ZNF2: variants seen among roughly 807,000 people sequenced by gnomAD.
The protein encoded by ZNF2 is zinc finger protein 2.2.
ZNF2 carries 12 observed loss-of-function variants against 21.9 expected under a neutral mutation model. The observed-to-expected ratio is 0.55, with a 90% CI of 0.35 to 0.89. ZNF2 has a LOEUF of 0.89. Ranked by LOEUF, ZNF2 falls within the 40% of genes least tolerant of loss-of-function variation. The pLI is 0.01. For missense variants in ZNF2, 462 were observed against 544.2 expected (o/e 0.85, Z 1.50); for synonymous variants, 186 against 196.3 (o/e 0.95, Z 0.44).
chr2:95,166,441 A>G (rs1204028259), intron 1 of ZNF2, among the ~76,000 whole-genome samples: 2 of 152,114 alleles, frequency 1.3e-5, no homozygotes, highest in Non-Finnish European at 2.9e-5. Flanking sequence ...GCTGGGAGCC[A>G]GGGCCCGGGA....
chr2:95,171,314 G>T (rs192925906), intron 1 of ZNF2, among the ~76,000 whole-genome samples: 1 of 151,430 alleles, frequency 6.6e-6, no homozygotes, highest in African/African-American at 2.4e-5. Context: ...TAACCCGGGC[G>T]TCATCTTTGC....
At chr2:95,173,066 C>T (rs1161281202) in intron 1 of ZNF2, among the ~76,000 whole-genome samples, 4 of 151,332 alleles carry the variant, frequency 2.6e-5, no homozygotes, top group Admixed American at 1.3e-4. Flanking sequence ...GATATGTACA[C>T]ATTTGCTGCT....
chr2:95,178,951 T>C (rs937458141), intron 3 of ZNF2, among the ~76,000 whole-genome samples: 15 of 151,880 alleles, frequency 9.9e-5, no homozygotes, highest in Non-Finnish European at 1.8e-4. Flanking sequence ...AAATCAGCTT[T>C]ACAAATCAGC....
At chr2:95,172,061 G>A (rs1173113098) in intron 1 of ZNF2, among the ~76,000 whole-genome samples, 1 of 152,118 alleles carries the variant, frequency 6.6e-6, no homozygotes, top group Non-Finnish European at 1.5e-5. Flanking sequence ...GTGTCACATG[G>A]AGCACACTCC....
At position 95,183,685 on chromosome 2, in the gene ZNF2, A is replaced by C. The variant is rs753404184; in HGVS notation, c.*1579A>C. ...ACCCAGGTTGGAATGCAATGGCACA[A>C]TCTCCGCTCACTGCAAGCTCCGCCT... is the stretch of plus-strand genomic sequence containing the variant. On this transcript the variant is annotated 3_prime_UTR_variant, in exon 5 of 5. Coordinates refer to ENST00000614034, the MANE Select transcript of ZNF2 (RefSeq NM_021088.4). The C allele has an allele frequency of 1.4e-5, 2 of 145,344 alleles. No homozygotes were observed. The highest frequency in any genetic ancestry group is 3.0e-5 in the Non-Finnish European group (2 of 67,426). 9.0% of individuals were successfully genotyped at this position (145,344 alleles called of 1,614,324 possible).
At chr2:95,172,609 A>G (rs982371761) in intron 1 of ZNF2, among the ~76,000 whole-genome samples, 7 of 150,120 alleles carry the variant, frequency 4.7e-5, no homozygotes, top group Admixed American at 1.3e-4. Flanking sequence ...AAAAGTGTGC[A>G]TTCTTCAAGT....
intron 1 of ZNF2, among the ~76,000 whole-genome samples, chr2:95,170,612 T>C (rs996366968): frequency 2.6e-5 from 4 of 152,268 alleles, no homozygotes; most frequent in Non-Finnish European, 5.9e-5. Flanking sequence ...AGTTAAATGC[T>C]ACCAAACAGA....
chr2:95,174,653 C>A (rs1253933978), intron 1 of ZNF2, among the ~76,000 whole-genome samples: 4 of 152,226 alleles, frequency 2.6e-5, no homozygotes, highest in African/African-American at 9.6e-5. Flanking sequence ...CTCCTTCCAT[C>A]CCTCCCTGCT....
At chr2:95,178,931 G>C (rs1291272441) in intron 3 of ZNF2, among the ~76,000 whole-genome samples, 1 of 150,886 alleles carries the variant, frequency 6.6e-6, no homozygotes, top group Non-Finnish European at 1.5e-5. Context: ...TAAATTTATT[G>C]TGTGAAAAAA....
intron 1 of ZNF2, among the ~76,000 whole-genome samples, chr2:95,167,151 A>G (rs1674088837): frequency 6.6e-6 from 1 of 152,226 alleles, no homozygotes; most frequent in African/African-American, 2.4e-5. Context: ...GTATCATAGC[A>G]GTTACAGTAA....
chr2:95,170,878 A>G (rs1054474151), intron 1 of ZNF2, among the ~76,000 whole-genome samples: 2 of 152,164 alleles, frequency 1.3e-5, no homozygotes, highest in Admixed American at 1.3e-4. Flanking sequence ...GTAGTTCTGT[A>G]TCTAGAATTA....
chr2:95,180,757 A>C (rs942389075), intron 4 of ZNF2, among the ~76,000 whole-genome samples: 3 of 152,004 alleles, frequency 2.0e-5, no homozygotes, highest in African/African-American at 7.2e-5. Flanking sequence ...TGATCCGCCC[A>C]CCTTGGCCTC....
chr2:95,167,406 T>C (rs1216231148), intron 1 of ZNF2, among the ~76,000 whole-genome samples: 1 of 145,282 alleles, frequency 6.9e-6, no homozygotes, highest in East Asian at 2.0e-4. Flanking sequence ...CTCGGGAGGC[T>C]GAGGCAGGAG....
chr2:95,178,652 C>T (rs1674531639), intron 3 of ZNF2, among the ~76,000 whole-genome samples: 1 of 152,124 alleles, frequency 6.6e-6, no homozygotes, highest in Non-Finnish European at 1.5e-5. Context: ...AGAGCCCAAG[C>T]CTATTTCCAG....
At chr2:95,179,535 T>C (rs993699352) in intron 3 of ZNF2, among the ~76,000 whole-genome samples, 3 of 152,220 alleles carry the variant, frequency 2.0e-5, no homozygotes, top group South Asian at 2.1e-4. Flanking sequence ...TTCTCATCTC[T>C]CCTAAGCCAA....
chr2:95,179,913 C>A (rs954849692), intron 3 of ZNF2, among the ~76,000 whole-genome samples: 21 of 152,112 alleles, frequency 1.4e-4, no homozygotes, highest in Non-Finnish European at 2.2e-4. Context: ...AAAAATTAGC[C>A]AGGTGTGGTG....
chr2:95,171,384 T>TC (rs1020282211), intron 1 of ZNF2, among the ~76,000 whole-genome samples: 2 of 143,700 alleles, frequency 1.4e-5, no homozygotes, highest in Non-Finnish European at 3.1e-5. Flanking sequence ...TTCTTCTTCT[T>TC]TTTTTTTTTT....
rs375596289 is a variant in ZNF2 at position 95,183,381 on chromosome 2, G to A, written c.*1275G>A. ...AGCTAGGAAAGTAAACAAGCACCTC[G>A]AAAGTTGGTTAATACCAAGAACCTC... On this transcript the variant is annotated 3_prime_UTR_variant, in exon 5 of 5. Coordinates refer to ENST00000614034, the MANE Select transcript of ZNF2 (RefSeq NM_021088.4). 18 of 152,234 alleles carry A rather than the reference G, an allele frequency of 1.2e-4. No homozygotes were observed. In the East Asian group the frequency reaches 2.9e-3, roughly 25 times the overall value. The allele number at this position is 152,234 out of a possible 1,614,324, so 9.4% of individuals were successfully genotyped here.
Position 95,181,566 on chromosome 2 carries a change from CCAT to C in ZNF2, c.741_743del (p.His247del). 4.3e-6 allele frequency: 7 copies of C among 1,614,142 alleles called. No individual in the cohort carries two copies. The highest frequency in any genetic ancestry group is 5.9e-6 in the Non-Finnish European group (7 of 1,180,020). On this transcript the variant is annotated inframe_deletion, in exon 5 of 5. Coordinates refer to ENST00000614034, the MANE Select transcript of ZNF2 (RefSeq NM_021088.4). ...TCTTTGACCGTTCGTCCCTAACTGT[CCAT>C]CAGCGAATTCACACTGGAGAGAAAC...
Sources: allele counts gnomAD v4.1 joint callset (sites outside exome capture counted in the v4.1 genomes callset), GRCh38; gene constraint gnomAD v4.1.1; transcripts MANE v1.5; gene names NCBI Gene and HGNC (gene_info 2026-07-23, HGNC 2026-07-21).